Variants in DPYSL2 observed in about 807,000 individuals in gnomAD.
DPYSL2 encodes the protein dihydropyrimidinase like 2, also known as dihydropyrimidinase-related protein 2.
Under a neutral mutation model 69.9 loss-of-function variants are expected in DPYSL2, and 13 were observed. The ratio of observed to expected loss-of-function variants is 0.19; its 90% CI spans 0.12 to 0.30. The LOEUF (loss-of-function observed/expected upper bound fraction) is 0.30. DPYSL2 is among the 10% of genes least tolerant of loss of function. The pLI is 1.00. For synonymous variants in DPYSL2, 326 were observed against 359.1 expected (o/e 0.91, Z 1.04); for missense variants, 587 against 918.9 (o/e 0.64, Z 4.67).
At chr8:26,549,259 C>G (rs1800834466) in intron 1 of DPYSL2, among the ~76,000 whole-genome samples, 1 of 150,894 alleles carries the variant, frequency 6.6e-6, no homozygotes, top group Non-Finnish European at 1.5e-5. Context: ...AAAGAAAACA[C>G]TATACTAGAA....
intron 1 of DPYSL2, among the ~76,000 whole-genome samples, chr8:26,522,427 C>T (rs1194086557): frequency 6.6e-6 from 1 of 152,230 alleles, no homozygotes. Flanking sequence ...AACTTCCACA[C>T]TCTTTTCTGT....
At chr8:26,554,703 A>G (rs1800917479) in intron 1 of DPYSL2, among the ~76,000 whole-genome samples, 1 of 152,130 alleles carries the variant, frequency 6.6e-6, no homozygotes, top group Non-Finnish European at 1.5e-5. Flanking sequence ...TAAGGAGTAA[A>G]TCATACCAAT....
At chr8:26,608,847 T>C (rs1802164554) in intron 3 of DPYSL2, among the ~76,000 whole-genome samples, 2 of 152,238 alleles carry the variant, frequency 1.3e-5, no homozygotes, top group Admixed American at 1.3e-4. Flanking sequence ...ATGTTGGCTT[T>C]AGAGCGATCT....
intron 3 of DPYSL2, among the ~76,000 whole-genome samples, chr8:26,596,351 G>A (rs1167383588): frequency 6.6e-6 from 1 of 152,174 alleles, no homozygotes; most frequent in African/African-American, 2.4e-5. Context: ...ATGATTGCAG[G>A]ACAGCAGTGC....
intron 13 of DPYSL2, 33 bp from the exon 14 acceptor site, chr8:26,655,582 C>T (rs1350191775): frequency 6.4e-7 from 1 of 1,569,302 alleles, no homozygotes; most frequent in African/African-American, 1.3e-5. Flanking sequence ...GTCCTGGCCC[C>T]TCACCCGCTC....
intron 3 of DPYSL2, among the ~76,000 whole-genome samples, chr8:26,622,157 C>CCTT (rs1802505385): frequency 3.3e-4 from 19 of 57,166 alleles, no homozygotes; most frequent in South Asian, 5.5e-4. Flanking sequence ...TTCCTTCCTT[C>CCTT]CCTCTCTCTC....
chr8:26,608,900 C>A (rs1802165511), intron 3 of DPYSL2, among the ~76,000 whole-genome samples: 1 of 152,170 alleles, frequency 6.6e-6, no homozygotes, highest in Admixed American at 6.6e-5. Context: ...CCCTGCTGGT[C>A]TTTATTTGGA....
Position 26,643,692 on chromosome 8 carries a change from T to A in DPYSL2, c.1283+97T>A. On this transcript the variant is annotated intron_variant, in intron 9 of 13. Transcript: ENST00000521913. This position sits in a 1 kb window ranked among gnomAD's most constrained non-coding sequence, Gnocchi z 6.5. ...ACAACATGGTGGCCAAGAGCAGCCA[T>A]AAAACTGGGAGACCCTTGTTCACCA... is the stretch of plus-strand genomic sequence containing the variant. 1 of 1,555,958 alleles carries A rather than the reference T, an allele frequency of 6.4e-7. No individual in the cohort carries two copies. The highest frequency in any genetic ancestry group is 1.7e-5 in the Admixed American group (1 of 57,184).
Position 26,565,405 on chromosome 8 carries a change from C to T in DPYSL2, c.355-16564C>T, listed in dbSNP as rs1226384958. ...GCAGGGTAAGAGTAGCAGAATGATG[C>T]TGCTGGTGAGAGTAGTCCAGGAAAT... On this transcript the variant is annotated intron_variant, in intron 1 of 13. Transcript: ENST00000521913. The surrounding 1 kb of genome is among the most constrained non-coding windows in gnomAD (Gnocchi z 4.1). Among the ~76,000 whole-genome samples the T allele has an allele frequency of 2.6e-5, 4 of 152,152 alleles. No individual in the cohort carries two copies.
chr8:26,541,595 C>A (rs565296011), intron 1 of DPYSL2, among the ~76,000 whole-genome samples: 1 of 151,962 alleles, frequency 6.6e-6, no homozygotes. Context: ...ACTTTTAACC[C>A]CAATGTAAAA....
At chr8:26,544,521 G>A (rs929212063) in intron 1 of DPYSL2, among the ~76,000 whole-genome samples, 4 of 152,122 alleles carry the variant, frequency 2.6e-5, no homozygotes, top group East Asian at 1.9e-4. Flanking sequence ...ACTTAAGTTC[G>A]TCTACTATAT....
intron 7 of DPYSL2, among the ~76,000 whole-genome samples, chr8:26,633,999 T>C (rs189838435): frequency 1.2e-3 from 177 of 152,344 alleles, no homozygotes; most frequent in African/African-American, 4.1e-3. Flanking sequence ...CAGCACAAAC[T>C]CCACATCACT....
intron 3 of DPYSL2, among the ~76,000 whole-genome samples, chr8:26,623,368 A>G (rs1381155401): frequency 6.6e-6 from 1 of 152,204 alleles, no homozygotes; most frequent in East Asian, 1.9e-4. Flanking sequence ...CATAAGATTG[A>G]TGGATATGCT....
chr8:26,523,170 T>TA (rs1337222747), intron 1 of DPYSL2, among the ~76,000 whole-genome samples: 35 of 150,742 alleles, frequency 2.3e-4, no homozygotes, highest in African/African-American at 7.8e-4. Context: ...TATATATATA[T>TA]TTTTAAATAA....
In DPYSL2 at chr8:26,657,527, TGG is replaced by T. The variant is rs1803420149; in HGVS notation, c.*1823_*1824del. 1.3e-5 allele frequency: 2 copies of T among 152,654 alleles called. No individual in the cohort carries two copies. The highest frequency in any genetic ancestry group is 4.1e-4 in the South Asian group (2 of 4,830). 9.5% of individuals were successfully genotyped at this position (152,654 alleles called of 1,614,324 possible). On this transcript the variant is annotated 3_prime_UTR_variant, in exon 14 of 14. Coordinates refer to ENST00000521913, the MANE Select transcript of DPYSL2 (RefSeq NM_001197293.3). ...GCCTTTGGGGATCTGGTTGGGGTTT[TGG>T]GTTTTTTGTTGTTGTTGTTTATTTG...
At chr8:26,635,600 G>A (rs556712989) in intron 8 of DPYSL2, among the ~76,000 whole-genome samples, 11 of 152,124 alleles carry the variant, frequency 7.2e-5, no homozygotes, top group East Asian at 1.9e-4. Flanking sequence ...TTCTCTCCTC[G>A]TACAGAAAGC....
chr8:26,599,090 T>C (rs564605930), intron 3 of DPYSL2, among the ~76,000 whole-genome samples: 1 of 152,358 alleles, frequency 6.6e-6, no homozygotes, highest in Admixed American at 6.5e-5. Flanking sequence ...GCAAGTCCTT[T>C]TAATGAAAGA....
At chr8:26,525,126 A>AT (rs1210001877) in intron 1 of DPYSL2, among the ~76,000 whole-genome samples, 2 of 152,022 alleles carry the variant, frequency 1.3e-5, no homozygotes, top group African/African-American at 2.4e-5. Flanking sequence ...TTTCTGACGT[A>AT]TTTTTTGCCT....
Position 26,514,742 on chromosome 8 carries a change from C to T in DPYSL2, c.354+63C>T. 1 of 1,321,918 alleles carries T rather than the reference C, an allele frequency of 7.6e-7. No homozygotes were observed. Among genetic ancestry groups the T allele is most frequent in the Non-Finnish European group, 9.8e-7 (1 of 1,025,102 alleles). The allele number at this position is 1,321,918 out of a possible 1,614,324, so 81.9% of individuals were successfully genotyped here. On this transcript the variant is annotated intron_variant, in intron 1 of 13. Transcript: ENST00000521913. The surrounding 1 kb of genome is among the most constrained non-coding windows in gnomAD (Gnocchi z 8.4). ...GCGCGGGGATCGCCCCTCCCTCGCC[C>T]CTGAGCCCGGCGCGCCCGCCTTCAT...
Sources: gnomAD v4.1 joint callset for allele counts (sites outside exome capture counted in the v4.1 genomes callset) on GRCh38, gnomAD v4.1.1 for gene constraint, Gnocchi (gnomAD v3.1) non-coding constraint, MANE v1.5 for transcripts, NCBI Gene and HGNC (gene_info 2026-07-23, HGNC 2026-07-21) for gene names.